NIPSNAP1: variants seen among roughly 807,000 people sequenced by gnomAD.
NIPSNAP1 encodes the protein protein NipSnap homolog 1.
Under a neutral mutation model 49.2 loss-of-function variants are expected in NIPSNAP1, and 25 were observed. That is an observed-to-expected ratio of 0.51 (90% CI 0.37 to 0.71). The LOEUF (loss-of-function observed/expected upper bound fraction) is 0.71. NIPSNAP1 is among the 30% of genes least tolerant of loss of function. The pLI, the probability that NIPSNAP1 is intolerant of heterozygous loss-of-function variation, is 0.00. For missense variants in NIPSNAP1, 294 were observed against 361.0 expected, an observed-to-expected ratio of 0.81 and a Z score of 1.50; for synonymous variants, 143 against 140.7, an observed-to-expected ratio of 1.02 and a Z score of -0.12.
intron 1 of NIPSNAP1, among the ~76,000 whole-genome samples, chr22:29,576,386 CA>C (rs67889640): frequency 2.0e-5 from 3 of 148,836 alleles, no homozygotes; most frequent in Non-Finnish European, 3.0e-5. Flanking sequence ...AAATTAAAAA[CA>C]AAAAAAAACA....
Position 29,556,028 on chromosome 22 carries a change from A to C in NIPSNAP1, c.791-29T>G, listed in dbSNP as rs981172053. 1.2e-5 allele frequency: 10 copies of C among 849,838 alleles called. No individual in the cohort carries two copies. The East Asian group carries it at 2.7e-4, about 23-fold the overall frequency. 52.6% of individuals were successfully genotyped at this position (849,838 alleles called of 1,614,324 possible). The stretch of plus-strand genomic sequence containing the variant: ...CGGAGAGAGAAGGCAGAGGTCACAC[A>C]GGGGGCTCAAGCAAGCCAACAACCT... On this transcript the variant is annotated intron_variant, in intron 9 of 9. Transcript: ENST00000216121.
intron 1 of NIPSNAP1, 73 bp from the exon 2 acceptor site, chr22:29,570,605 C>G: frequency 1.3e-6 from 2 of 1,557,980 alleles, no homozygotes; most frequent in Non-Finnish European, 1.7e-6. Context: ...ACTTGGATGT[C>G]CTGCTCCCCT....
chr22:29,562,837 C>T (rs1180991420), intron 4 of NIPSNAP1, among the ~76,000 whole-genome samples: 1 of 151,892 alleles, frequency 6.6e-6, no homozygotes, highest in Non-Finnish European at 1.5e-5. Flanking sequence ...CGGTGGCTCA[C>T]GCCTGTAATC....
At chr22:29,576,615 G>A (rs2064454257) in intron 1 of NIPSNAP1, among the ~76,000 whole-genome samples, 1 of 151,232 alleles carries the variant, frequency 6.6e-6, no homozygotes, top group Non-Finnish European at 1.5e-5. Flanking sequence ...AAGCTGAAAA[G>A]TATGAAACAA....
intron 1 of NIPSNAP1, among the ~76,000 whole-genome samples, chr22:29,580,641 A>C (rs2146622194): frequency 1.3e-5 from 2 of 152,184 alleles, no homozygotes; most frequent in East Asian, 3.9e-4. Context: ...GCTGACTACC[A>C]GAAGCCCCCA....
chr22:29,561,059 G>A, intron 7 of NIPSNAP1, 112 bp downstream of exon 7: 5 of 1,089,302 alleles, frequency 4.6e-6, no homozygotes, highest in Non-Finnish European at 7.0e-6. Flanking sequence ...GGGGCAGAAG[G>A]TAAAGAGTTC....
At position 29,555,822 on chromosome 22, in the gene NIPSNAP1, C is replaced by T; in HGVS notation, c.*113G>A. ...CCCCCTTGTCTGAACTGAGCACTGC[C>T]CCTCAGAGTCCTCCCAGAGCCAAGA... On this transcript the variant is annotated 3_prime_UTR_variant, in exon 10 of 10. Transcript: ENST00000216121. 1 of 903,590 alleles carries T rather than the reference C, an allele frequency of 1.1e-6. No homozygotes were observed. The highest frequency in any genetic ancestry group is 1.8e-6 in the Non-Finnish European group (1 of 556,456). 56.0% of individuals were successfully genotyped at this position (903,590 alleles called of 1,614,324 possible). A position where few individuals can be genotyped will look rare whatever the true frequency, so the allele number is the denominator to read the frequency against.
chr22:29,558,373 G>A (rs2064310482), intron 9 of NIPSNAP1, among the ~76,000 whole-genome samples: 1 of 152,166 alleles, frequency 6.6e-6, no homozygotes, highest in Non-Finnish European at 1.5e-5. Flanking sequence ...GGAGGCTGAG[G>A]CAGGAGAATG....
intron 9 of NIPSNAP1, among the ~76,000 whole-genome samples, chr22:29,557,535 C>T (rs2064304635): frequency 6.6e-6 from 1 of 152,052 alleles, no homozygotes; most frequent in Non-Finnish European, 1.5e-5. Flanking sequence ...TCAAGTGATC[C>T]TCCCACCTCA....
Position 29,559,199 on chromosome 22 carries a change from T to C in NIPSNAP1, c.707-246A>G, listed in dbSNP as rs188032990. Among the ~76,000 whole-genome samples, 163 of 152,332 alleles carry C rather than the reference T, an allele frequency of 1.1e-3. 1 individual carries two copies. The highest frequency in any genetic ancestry group is 3.4e-3 in the Middle Eastern group (1 of 294). On this transcript the variant is annotated intron_variant, in intron 8 of 9. Coordinates refer to ENST00000216121, the MANE Select transcript of NIPSNAP1 (RefSeq NM_003634.4). Reference sequence around the variant, plus strand: ...CAAGGGCTCCAGACTCCTATATCCATCTACTGCCTACTTGACATCTCTACT... The same window carrying C: ...CAAGGGCTCCAGACTCCTATATCCACCTACTGCCTACTTGACATCTCTACT...
intron 4 of NIPSNAP1, 103 bp from the exon 5 acceptor site, chr22:29,561,965 T>C: frequency 1.0e-6 from 1 of 956,912 alleles, no homozygotes; most frequent in South Asian, 1.4e-5. Context: ...CGGGGTGGCC[T>C]GGTTCCCTGT....
At chr22:29,570,344 G>A in intron 2 of NIPSNAP1, 61 bp downstream of exon 2, 5 of 1,612,882 alleles carry the variant, frequency 3.1e-6, no homozygotes, top group Non-Finnish European at 4.2e-6. Flanking sequence ...CCTTCCTGGA[G>A]CCTCACAGGC....
chr22:29,578,588 T>C (rs1396902824), intron 1 of NIPSNAP1, among the ~76,000 whole-genome samples: 3 of 151,262 alleles, frequency 2.0e-5, no homozygotes, highest in Admixed American at 6.6e-5. Flanking sequence ...TGGAGAGATA[T>C]GGGGCAGCCT....
rs1284525861 is a variant in NIPSNAP1, at chr22:29,555,724, GAGGGAGGCAGGC to G, written c.*199_*210del. 18 of 592,446 alleles carry G rather than the reference GAGGGAGGCAGGC, an allele frequency of 3.0e-5. No individual in the cohort carries two copies. The highest frequency in any genetic ancestry group is 5.8e-5 in the East Asian group (2 of 34,742). The allele number at this position is 592,446 out of a possible 1,614,324, so 36.7% of individuals were successfully genotyped here. A position where few individuals can be genotyped will look rare whatever the true frequency, so the allele number is the denominator to read the frequency against. On this transcript the variant is annotated 3_prime_UTR_variant, in exon 10 of 10. Coordinates refer to ENST00000216121, the MANE Select transcript of NIPSNAP1 (RefSeq NM_003634.4). The stretch of plus-strand genomic sequence containing the variant: ...AATCAGAAACTACTTCTAGCAGGGG[GAGGGAGGCAGGC>G]AGGGAAAGTAGAAAGGGCCTGGGCA...
At chr22:29,571,665 G>C (rs2064408331) in intron 1 of NIPSNAP1, among the ~76,000 whole-genome samples, 1 of 152,226 alleles carries the variant, frequency 6.6e-6, no homozygotes, top group South Asian at 2.1e-4. Context: ...TAGCCAGGGA[G>C]CCTGGCAAGA....
intron 8 of NIPSNAP1, 118 bp downstream of exon 8, chr22:29,560,616 A>T (rs941622902): frequency 3.7e-6 from 3 of 821,562 alleles, no homozygotes; most frequent in African/African-American, 3.3e-5. Flanking sequence ...CATCTAAGAT[A>T]GTGTCTCCTG....
Position 29,561,423 on chromosome 22 carries a change from C to G in NIPSNAP1, c.579+83G>C, listed in dbSNP as rs947171379. The G allele has an allele frequency of 2.5e-6, 4 of 1,592,428 alleles. No homozygotes were observed. In the East Asian group the frequency reaches 9.0e-5, roughly 36 times the overall value. ...ATAGGGAGGGAGAAGCCAGAAGCCC[C>G]AGTCTAGGTGTTGGGGCAGCTGCAA... is the stretch of plus-strand genomic sequence containing the variant. On this transcript the variant is annotated intron_variant, in intron 6 of 9. Coordinates refer to ENST00000216121, the MANE Select transcript of NIPSNAP1 (RefSeq NM_003634.4).
chr22:29,561,526 G>A lies in NIPSNAP1; in HGVS notation c.559C>T (p.Leu187=). ...GGCACCTTGAGCTTGTATGTCCTCA[G>A]CTCATAGATGTTGGGACCCATTCTG... ...QPRMGPNIYE[L]RTYKLKPGTM... Residue 187 remains leucine, a synonymous_variant, in exon 6 of 10, where the codon CTG becomes TTG. Coordinates refer to ENST00000216121, the MANE Select transcript of NIPSNAP1 (RefSeq NM_003634.4). 2 of 1,614,128 alleles carry A rather than the reference G, an allele frequency of 1.2e-6. No homozygotes were observed. The highest frequency in any genetic ancestry group is 1.7e-6 in the Non-Finnish European group (2 of 1,180,016).
chr22:29,574,324 T>C (rs1223453411), intron 1 of NIPSNAP1, among the ~76,000 whole-genome samples: 1 of 137,722 alleles, frequency 7.3e-6, no homozygotes, highest in African/African-American at 2.8e-5. Flanking sequence ...AAATTACTTG[T>C]CCCAAACTGT....
Sources: allele counts gnomAD v4.1 joint callset (sites outside exome capture counted in the v4.1 genomes callset), GRCh38; gene constraint gnomAD v4.1.1; transcripts MANE v1.5; gene names NCBI Gene and HGNC (gene_info 2026-07-23, HGNC 2026-07-21).